Variants in PGR observed in about 807,000 individuals in gnomAD.
PGR encodes the protein progesterone receptor, also known as nuclear receptor subfamily 3 group C member 3.
Under a neutral mutation model 76.1 loss-of-function variants are expected in PGR, and 25 were observed. The ratio of observed to expected loss-of-function variants is 0.33; its 90% confidence interval spans 0.24 to 0.46. The LOEUF (loss-of-function observed/expected upper bound fraction) is 0.46. Ranked by LOEUF, PGR falls within the 20% of genes least tolerant of loss-of-function variation. PGR has a pLI of 1.00. For missense variants in PGR, 1,172 were observed against 1,225.3 expected (o/e 0.96, Z 0.65); for synonymous variants, 579 against 535.0 (o/e 1.08, Z -1.14).
intron 2 of PGR, among the ~76,000 whole-genome samples, chr11:101,101,080 C>A (rs1371380894): frequency 6.6e-6 from 1 of 152,112 alleles, no homozygotes; most frequent in East Asian, 1.9e-4. Flanking sequence ...AGGACTAGGG[C>A]AGGAAATGTG....
At position 101,062,621 on chromosome 11, in the gene PGR, C is replaced by G; in HGVS notation, c.2038G>C (p.Asp680His). ...SQRFTFSPGQ[D>H]IQLIPPLINL... ...ATCAGTGGTGGAATCAACTGTATGT[C>G]TTGACCTGGTGAAAAAGTGAATCTC... Residue 680 changes from aspartate to histidine, a missense_variant, in exon 4 of 8, where the codon GAC becomes CAC. Physicochemically the swap from Asp to His is moderately conservative, Grantham distance 81. Around this residue, in one of 4 missense-constraint regions of PGR, gnomAD observed 73 missense variants for 60.7 expected, o/e 1.20. Coordinates refer to ENST00000325455, the MANE Select transcript of PGR (RefSeq NM_000926.4). The G allele has an allele frequency of 6.2e-7, 1 of 1,614,010 alleles. No homozygotes were observed. The highest frequency in any genetic ancestry group is 8.5e-7 in the Non-Finnish European group (1 of 1,179,944).
rs575392456 is a variant in PGR at position 101,086,307 on chromosome 11, G to A, written c.1906+5453C>T. 3.6e-3 allele frequency among the ~76,000 whole-genome samples: 545 copies of A among 149,692 alleles called. 4 individuals are homozygous for A. The highest frequency in any genetic ancestry group is 0.012 in the African/African-American group (512 of 41,462). The stretch of plus-strand genomic sequence containing the variant: ...TCAATATATGCAAATCAATAAATAT[G>A]ATTTACCACATGAGAAGAATTAAAA... On this transcript the variant is annotated intron_variant, in intron 3 of 7. Transcript: ENST00000325455.
At chr11:101,039,348 T>C in intron 7 of PGR, 77 bp from the exon 8 acceptor site, 1 of 1,062,048 alleles carries the variant, frequency 9.4e-7, no homozygotes, top group South Asian at 1.3e-5. Flanking sequence ...TGGCAATTTA[T>C]TTTTCTAACT....
At chr11:101,078,828 G>A (rs1861212877) in intron 3 of PGR, among the ~76,000 whole-genome samples, 1 of 151,942 alleles carries the variant, frequency 6.6e-6, no homozygotes, top group Admixed American at 6.6e-5. Context: ...TCTTTTAAAA[G>A]CTTTCTAATA....
At position 101,128,953 on chromosome 11, in the gene PGR, G is replaced by T. The variant is rs372843224; in HGVS notation, c.118C>A (p.Gln40Lys). The T allele has an allele frequency of 3.0e-5, 48 of 1,608,830 alleles. No homozygotes were observed. The highest frequency in any genetic ancestry group is 3.8e-5 in the Non-Finnish European group (45 of 1,176,760). Residue 40 changes from glutamine to lysine, a missense_variant, in exon 1 of 8, where the codon CAG becomes AAG. By Grantham distance (53) the Gln-to-Lys change is moderately conservative. Coordinates refer to ENST00000325455, the MANE Select transcript of PGR (RefSeq NM_000926.4). Reference sequence around the variant, plus strand: ...ACTTCAGGCAAGGTGTCCGAGGTCTGGCTCCCCGGGAACGGACCTGCGGCT... The same window carrying T: ...ACTTCAGGCAAGGTGTCCGAGGTCTTGCTCCCCGGGAACGGACCTGCGGCT... ...RPAAGPFPGS[Q>K]TSDTLPEVSA...
chr11:101,045,627 C>T (rs1185313122), intron 6 of PGR, among the ~76,000 whole-genome samples: 9 of 151,974 alleles, frequency 5.9e-5, no homozygotes, highest in Admixed American at 5.9e-4. Flanking sequence ...GCAAAAGACA[C>T]ACTTTCATTC....
Position 101,129,353 on chromosome 11 carries a change from C to G in PGR, c.-283G>C, listed in dbSNP as rs1234756833. ...AAAAGTAGTAATTGTTAGGAGATCT[C>G]GTCTCCTAACTCGGGGAGTTCTCCA... On this transcript the variant is annotated 5_prime_UTR_variant, in exon 1 of 8. Transcript: ENST00000325455. 1 of 409,310 alleles carries G rather than the reference C, an allele frequency of 2.4e-6. No homozygotes were observed. The highest frequency in any genetic ancestry group is 4.4e-6 in the Non-Finnish European group (1 of 229,246). The allele number at this position is 409,310 out of a possible 1,614,324, so 25.4% of individuals were successfully genotyped here.
chr11:101,120,314 T>G (rs550778), intron 2 of PGR, among the ~76,000 whole-genome samples: 38,335 of 152,102 alleles, frequency 0.25, 5,797 homozygotes, highest in Non-Finnish European at 0.35. Context: ...GATCAATACA[T>G]GTATCTGAAG....
chr11:101,120,453 T>C (rs1315745652), intron 2 of PGR, among the ~76,000 whole-genome samples: 1 of 152,022 alleles, frequency 6.6e-6, no homozygotes, highest in African/African-American at 2.4e-5. Context: ...AAAGGAGAAA[T>C]GTACAAAAAG....
At chr11:101,126,182 C>A in intron 1 of PGR, 24 bp from the exon 2 acceptor site, 1 of 1,611,924 alleles carries the variant, frequency 6.2e-7, no homozygotes, top group Non-Finnish European at 8.5e-7. Flanking sequence ...ACAAAGTACT[C>A]CATTTATTTT....
intron 3 of PGR, among the ~76,000 whole-genome samples, chr11:101,066,587 A>C (rs2135417527): frequency 6.6e-6 from 1 of 152,296 alleles, no homozygotes; most frequent in South Asian, 2.1e-4. Flanking sequence ...TCAACTATGC[A>C]ACTGTATTCT....
intron 2 of PGR, among the ~76,000 whole-genome samples, chr11:101,121,324 G>C (rs1862668725): frequency 1.3e-5 from 2 of 152,176 alleles, no homozygotes; most frequent in South Asian, 4.1e-4. Flanking sequence ...TGGATGATCT[G>C]TGCACTACAA....
intron 4 of PGR, 80 bp downstream of exon 4, chr11:101,062,367 A>T (rs1860533739): frequency 2.0e-6 from 2 of 1,025,592 alleles, no homozygotes; most frequent in Admixed American, 1.8e-5. Context: ...TACTGCATAG[A>T]GTGTTTTATT....
rs755210219 is a variant in PGR, at chr11:101,128,538, G to T, written c.533C>A (p.Thr178Lys). The T allele has an allele frequency of 1.1e-5, 17 of 1,599,466 alleles. No individual in the cohort carries two copies. The highest frequency in any genetic ancestry group is 3.4e-5 in the Admixed American group (2 of 58,994). Reference sequence around the variant, plus strand: ...GGGCAGCACTTTATGGGCAGCTGCCGTCCCGGAGCTGTCTCCAACCTTGCA... The same window carrying T: ...GGGCAGCACTTTATGGGCAGCTGCCTTCCCGGAGCTGTCTCCAACCTTGCA... ...SGCKVGDSSG[T>K]AAAHKVLPRG... The change falls in exon 1 of 8, where the codon ACG (threonine) becomes AAG (lysine). Residue 178 changes from threonine (T) to lysine (K), a missense_variant. Thr to Lys is a moderately conservative substitution (Grantham distance 78). Transcript: ENST00000325455.
chr11:101,046,292 ATTTTTTTTTTTTTTTTTTTT>A (rs540943297), intron 6 of PGR, among the ~76,000 whole-genome samples: 669 of 66,308 alleles, frequency 0.01, 13 homozygotes, highest in African/African-American at 0.045. Context: ...CGCCTGGCTA[ATTTTTTTTTTTTTTTTTTTT>A]TTTTTTTTTT....
chr11:101,109,720 A>T (rs1361207168), intron 2 of PGR, among the ~76,000 whole-genome samples: 1 of 152,236 alleles, frequency 6.6e-6, no homozygotes, highest in Non-Finnish European at 1.5e-5. Flanking sequence ...GATCTAGCTA[A>T]GCCCATGGAT....
At chr11:101,079,421 C>CAA (rs141102184) in intron 3 of PGR, among the ~76,000 whole-genome samples, 27 of 143,426 alleles carry the variant, frequency 1.9e-4, no homozygotes, top group East Asian at 1.4e-3. Flanking sequence ...AGCTCAATAG[C>CAA]AAAAAAAAAA....
At chr11:101,071,826 T>G (rs571357997) in intron 3 of PGR, among the ~76,000 whole-genome samples, 6 of 152,136 alleles carry the variant, frequency 3.9e-5, no homozygotes, top group Admixed American at 1.3e-4. Context: ...TATGGGACTA[T>G]GTGAAAAGAC....
At position 101,030,874 on chromosome 11, in the gene PGR, A is replaced by AT; in HGVS notation, c.*8241dup. 5.2e-6 allele frequency: 1 copy of AT among 193,098 alleles called. No individual in the cohort carries two copies. The highest frequency in any genetic ancestry group is 1.1e-5 in the Non-Finnish European group (1 of 92,358). 12.0% of individuals were successfully genotyped at this position (193,098 alleles called of 1,614,324 possible). On this transcript the variant is annotated 3_prime_UTR_variant, in exon 8 of 8. Coordinates refer to ENST00000325455, the MANE Select transcript of PGR (RefSeq NM_000926.4). Reference sequence around the variant, plus strand: ...TAGCAAGAGGAAGTGAGAGGCTTTCATGATTCAGAAGAAGGAAGATGTAGG... The same window carrying AT: ...TAGCAAGAGGAAGTGAGAGGCTTTCATTGATTCAGAAGAAGGAAGATGTAGG...
Sources: allele counts gnomAD v4.1 joint callset (sites outside exome capture counted in the v4.1 genomes callset), GRCh38; gene constraint gnomAD v4.1.1; regional missense constraint gnomAD v4.1.1; transcripts MANE v1.5; gene names NCBI Gene and HGNC (gene_info 2026-07-23, HGNC 2026-07-21).